The following BRD7 variants were observed in gnomAD, a reference collection of about 807,000 sequenced individuals.
The protein encoded by BRD7 is bromodomain-containing protein 7.
In BRD7, 15 loss-of-function variants were observed where a neutral mutation model predicts 82.1. The observed-to-expected ratio is 0.18, with a 90% CI of 0.12 to 0.28. The LOEUF (loss-of-function observed/expected upper bound fraction) is 0.28. BRD7 is among the 10% of genes least tolerant of loss of function. The probability of loss-of-function intolerance (pLI) is 1.00; values close to 1 mark genes in which losing one functional copy is unlikely to be tolerated. For synonymous variants in BRD7, 232 were observed against 266.9 expected, an observed-to-expected ratio of 0.87 and a Z score of 1.27; for missense variants, 638 against 779.9, an observed-to-expected ratio of 0.82 and a Z score of 2.17.
At chr16:50,323,364 A>C (rs1238009603) in intron 12 of BRD7, among the ~76,000 whole-genome samples, 1 of 152,198 alleles carries the variant, frequency 6.6e-6, no homozygotes, top group Admixed American at 6.5e-5. Flanking sequence ...TACATTCCCA[A>C]GATGAGGAGA....
rs4430736 is a variant in BRD7 at position 50,338,428 on chromosome 16, C to A, written c.702+1548G>T. On this transcript the variant is annotated intron_variant, in intron 6 of 16. Coordinates refer to ENST00000394688, the MANE Select transcript of BRD7 (RefSeq NM_013263.5). ...AATCTCTCAGCCAAGCATACAGACA[C>A]TCAGACATCTGCACACCAAGGCATT... Among the ~76,000 whole-genome samples the A allele has an allele frequency of 4.5e-3, 687 of 152,344 alleles. 6 individuals carry two copies. Among genetic ancestry groups the A allele is most frequent in the African/African-American group, 0.016 (652 of 41,582 alleles).
At position 50,368,071 on chromosome 16, in the gene BRD7, G is replaced by A; in HGVS notation, c.258+19C>T. 1.2e-6 allele frequency: 2 copies of A among 1,611,092 alleles called. No individual in the cohort carries two copies. The highest frequency in any genetic ancestry group is 2.2e-5 in the South Asian group (2 of 91,040). ...AGGCAGTGCCGTCCGCAAAGCCAAA[G>A]CAATGTAACCACTTGTACCTTAACT... On this transcript the variant is annotated intron_variant, in intron 2 of 16. Coordinates refer to ENST00000394688, the MANE Select transcript of BRD7 (RefSeq NM_013263.5).
chr16:50,333,857 T>C (rs2037678156), intron 7 of BRD7, among the ~76,000 whole-genome samples, 160 bp from the exon 8 acceptor site: 1 of 152,218 alleles, frequency 6.6e-6, no homozygotes, highest in South Asian at 2.1e-4. Context: ...GGGTCTCTAA[T>C]TTAAGAACAG....
intron 2 of BRD7, among the ~76,000 whole-genome samples, chr16:50,359,747 G>T (rs2038870926): frequency 6.6e-6 from 1 of 152,152 alleles, no homozygotes; most frequent in Non-Finnish European, 1.5e-5. Flanking sequence ...CAGATTTCAA[G>T]GACAGAATAA....
chr16:50,354,263 T>G (rs978337012), intron 4 of BRD7, among the ~76,000 whole-genome samples, 162 bp downstream of exon 4: 1 of 152,214 alleles, frequency 6.6e-6, no homozygotes, highest in African/African-American at 2.4e-5. Context: ...AAAGAATATC[T>G]AAAAGTTAGC....
intron 2 of BRD7, among the ~76,000 whole-genome samples, chr16:50,362,292 C>T (rs2038963436): frequency 6.6e-6 from 1 of 152,170 alleles, no homozygotes; most frequent in Non-Finnish European, 1.5e-5. Context: ...CCTACTTTAA[C>T]AACTCTTTCA....
At chr16:50,354,251 A>G (rs1300650824) in intron 4 of BRD7, among the ~76,000 whole-genome samples, 174 bp downstream of exon 4, 2 of 152,256 alleles carry the variant, frequency 1.3e-5, no homozygotes, top group Non-Finnish European at 1.5e-5. Flanking sequence ...AACAAACCAA[A>G]TAAAGAATAT....
intron 4 of BRD7, 104 bp downstream of exon 4, chr16:50,354,321 A>G: frequency 2.2e-6 from 2 of 929,090 alleles, no homozygotes; most frequent in East Asian, 2.7e-5. Context: ...TTTATCATTC[A>G]CTTTAAAATC....
intron 11 of BRD7, among the ~76,000 whole-genome samples, chr16:50,324,769 C>A (rs919985660): frequency 1.1e-4 from 16 of 152,250 alleles, no homozygotes; most frequent in African/African-American, 3.6e-4. Context: ...TTCTCCAAAG[C>A]ACTTGTCATC....
intron 5 of BRD7, among the ~76,000 whole-genome samples, chr16:50,343,272 T>A (rs2038146080): frequency 6.6e-6 from 1 of 152,148 alleles, no homozygotes; most frequent in Non-Finnish European, 1.5e-5. Context: ...GAGGCAGATA[T>A]CCCCCTTGCT....
intron 5 of BRD7, among the ~76,000 whole-genome samples, chr16:50,342,912 T>C (rs1346715793): frequency 6.6e-6 from 1 of 152,126 alleles, no homozygotes; most frequent in Non-Finnish European, 1.5e-5. Flanking sequence ...CATGGTTCCT[T>C]TCCCTGGAAT....
intron 6 of BRD7, among the ~76,000 whole-genome samples, chr16:50,339,089 C>T (rs990695553): frequency 6.6e-6 from 1 of 152,230 alleles, no homozygotes; most frequent in Non-Finnish European, 1.5e-5. Context: ...CTCATGTTTA[C>T]GCTCTTTCCT....
intron 2 of BRD7, among the ~76,000 whole-genome samples, chr16:50,362,486 G>A (rs2038969391): frequency 1.3e-5 from 2 of 152,114 alleles, no homozygotes; most frequent in African/African-American, 4.8e-5. Context: ...GTCCTGAAGA[G>A]AACTTTGTAC....
intron 5 of BRD7, chr16:50,349,689 A>T: frequency 2.2e-6 from 1 of 444,902 alleles, no homozygotes; most frequent in East Asian, 7.2e-5. Context: ...AATAGAAAAA[A>T]CCCTCAACTT....
Position 50,320,235 on chromosome 16 carries a change from A to G in BRD7, c.1756+13T>C, listed in dbSNP as rs758685444. Reference sequence around the variant, plus strand: ...CATCCCGTGACTCTCCTCTTATGGGAGGCAAAACATACCAAGATGCATTTC... The same window carrying G: ...CATCCCGTGACTCTCCTCTTATGGGGGGCAAAACATACCAAGATGCATTTC... On this transcript the variant is annotated intron_variant, in intron 15 of 16. Coordinates refer to ENST00000394688, the MANE Select transcript of BRD7 (RefSeq NM_013263.5). 1 of 1,608,050 alleles carries G rather than the reference A, an allele frequency of 6.2e-7. No individual in the cohort carries two copies. Among genetic ancestry groups the G allele is most frequent in the Non-Finnish European group, 8.5e-7 (1 of 1,177,314 alleles).
chr16:50,347,082 C>A (rs563116028), intron 5 of BRD7, among the ~76,000 whole-genome samples: 90 of 152,292 alleles, frequency 5.9e-4, no homozygotes, highest in African/African-American at 2.0e-3. Flanking sequence ...TGGCTTCATC[C>A]CTGGGAGGCA....
At chr16:50,363,670 CGCGTGCGCGT>C (rs1433824798) in intron 2 of BRD7, among the ~76,000 whole-genome samples, 6 of 61,718 alleles carry the variant, frequency 9.7e-5, no homozygotes, top group African/African-American at 2.0e-4. Flanking sequence ...TGCGCGCGCG[CGCGTGCGCGT>C]GTGCTTCCCC....
rs762548325 is a variant in BRD7, at chr16:50,333,560, C to T, written c.1011+14G>A. 6.2e-7 allele frequency: 1 copy of T among 1,605,444 alleles called. No individual in the cohort carries two copies. The highest frequency in any genetic ancestry group is 1.1e-5 in the South Asian group (1 of 89,770). On this transcript the variant is annotated intron_variant, in intron 8 of 16. Coordinates refer to ENST00000394688, the MANE Select transcript of BRD7 (RefSeq NM_013263.5). Reference sequence around the variant, plus strand: ...ATCAGTAGGTAGAGAAAAGAAAAGGCAAAGCTCAATCACCTGACTGTTCAC... The same window carrying T: ...ATCAGTAGGTAGAGAAAAGAAAAGGTAAAGCTCAATCACCTGACTGTTCAC...
intron 6 of BRD7, among the ~76,000 whole-genome samples, chr16:50,337,697 C>T (rs2037869376): frequency 6.6e-6 from 1 of 152,252 alleles, no homozygotes; most frequent in Admixed American, 6.5e-5. Flanking sequence ...AGACACCATT[C>T]ACGGAAGGGT....
Sources: allele counts gnomAD v4.1 joint callset (sites outside exome capture counted in the v4.1 genomes callset), GRCh38; gene constraint gnomAD v4.1.1; transcripts MANE v1.5; gene names NCBI Gene and HGNC (gene_info 2026-07-23, HGNC 2026-07-21).